The following ASPM variants were observed in gnomAD, a reference collection of about 807,000 sequenced individuals.
The protein encoded by ASPM is abnormal spindle-like microcephaly-associated protein.
ASPM carries 256 observed loss-of-function variants against 366.4 expected under a neutral mutation model. The observed-to-expected ratio is 0.70, with a 90% CI of 0.63 to 0.77. The LOEUF (loss-of-function observed/expected upper bound fraction) is 0.77. Ranked by LOEUF, ASPM falls within the 30% of genes least tolerant of loss-of-function variation. ASPM has a pLI of 0.00. For synonymous variants in ASPM, 1,414 were observed against 1,342.9 expected, an observed-to-expected ratio of 1.05 and a Z score of -1.16; for missense variants, 4,146 against 4,090.4, an observed-to-expected ratio of 1.01 and a Z score of -0.37.
At chr1:197,114,132 G>T (rs1235541134) in intron 17 of ASPM, among the ~76,000 whole-genome samples, 2 of 152,018 alleles carry the variant, frequency 1.3e-5, no homozygotes, top group Non-Finnish European at 2.9e-5. Flanking sequence ...CAATTTTTTT[G>T]GTTTCCCAAT....
intron 17 of ASPM, among the ~76,000 whole-genome samples, chr1:197,110,093 A>C (rs543151592): frequency 1.3e-5 from 2 of 152,222 alleles, no homozygotes; most frequent in South Asian, 4.1e-4. Flanking sequence ...ACTTAAATGG[A>C]AAGACAAAGC....
chr1:197,132,707 G>T (rs1308049923), intron 6 of ASPM, among the ~76,000 whole-genome samples: 2 of 150,602 alleles, frequency 1.3e-5, no homozygotes, highest in Non-Finnish European at 1.5e-5. Flanking sequence ...AAGAAAATGT[G>T]GGGTATGTGT....
chr1:197,124,672 G>C (rs1410189824), intron 12 of ASPM, among the ~76,000 whole-genome samples, 198 bp downstream of exon 12: 1 of 151,582 alleles, frequency 6.6e-6, no homozygotes, highest in East Asian at 1.9e-4. Flanking sequence ...TGCAGGTGTG[G>C]TGAAGATTAG....
At chr1:197,110,421 A>G (rs1024399183) in intron 17 of ASPM, among the ~76,000 whole-genome samples, 13 of 152,124 alleles carry the variant, frequency 8.5e-5, no homozygotes, top group African/African-American at 2.9e-4. Flanking sequence ...CTAACACAAA[A>G]TACATCATAG....
Position 197,143,457 on chromosome 1 carries a change from G to T in ASPM, c.795C>A (p.Asn265Lys), listed in dbSNP as rs759553972. 3.7e-6 allele frequency: 6 copies of T among 1,613,886 alleles called. No individual in the cohort carries two copies. Among genetic ancestry groups the T allele is most frequent in the South Asian group, 1.1e-5 (1 of 91,086 alleles). Residue 265 changes from asparagine to lysine, a missense_variant, in exon 3 of 28, where the codon AAC becomes AAA. This residue lies in a region of ASPM where 512 missense variants were observed against 471.7 expected (regional missense o/e 1.09). Transcript: ENST00000367409. ...TCTCATTAAAAGAAACTTTTGAAAC[G>T]TTGGCACTGTGTACATTTAATAGTT... ...NRELLNVHSA[N>K]VSKVSFNEKA...
chr1:197,112,756 T>C (rs1657627279), intron 17 of ASPM, among the ~76,000 whole-genome samples: 1 of 152,120 alleles, frequency 6.6e-6, no homozygotes, highest in African/African-American at 2.4e-5. Flanking sequence ...ACTAAACCAA[T>C]GTACTTCTTA....
chr1:197,089,512 A>G (rs1207471417), intron 25 of ASPM, among the ~76,000 whole-genome samples: 8 of 151,966 alleles, frequency 5.3e-5, no homozygotes, highest in Admixed American at 5.3e-4. Context: ...TCCAAATTCA[A>G]CTCTACCACT....
intron 20 of ASPM, 25 bp from the exon 21 acceptor site, chr1:197,093,286 C>T (rs1274275847): frequency 1.9e-6 from 3 of 1,571,108 alleles, no homozygotes; most frequent in African/African-American, 1.4e-5. Flanking sequence ...TTACAAGTAA[C>T]ATTAATGGGT....
Position 197,142,486 on chromosome 1 carries a change from G to C in ASPM, c.1766C>G (p.Ala589Gly). The C allele has an allele frequency of 6.2e-7, 1 of 1,613,976 alleles. No homozygotes were observed. Among genetic ancestry groups the C allele is most frequent in the East Asian group, 2.2e-5 (1 of 44,872 alleles). The change falls in exon 3 of 28, where the codon GCA (alanine) becomes GGA (glycine). Residue 589 changes from alanine (A) to glycine (G), a missense_variant. Physicochemically the swap from Ala to Gly is moderately conservative, Grantham distance 60. Coordinates refer to ENST00000367409, the MANE Select transcript of ASPM (RefSeq NM_018136.5). ...GSMEDANVRVAITEHTEVREI... is the reference protein window; with the variant it reads ...GSMEDANVRVGITEHTEVREI... ...TCGCACTTCTGTATGTTCTGTAATT[G>C]CAACTCTCACATTTGCATCTTCCAT...
intron 16 of ASPM, among the ~76,000 whole-genome samples, chr1:197,118,926 C>G (rs1021888791): frequency 6.6e-5 from 10 of 152,222 alleles, no homozygotes; most frequent in Non-Finnish European, 1.3e-4. Context: ...TAACTTATGG[C>G]AGGGATGTCT....
At position 197,102,916 on chromosome 1, in the gene ASPM, T is replaced by C. The variant is rs2125095171; in HGVS notation, c.6335A>G (p.His2112Arg). 6.2e-7 allele frequency: 1 copy of C among 1,612,716 alleles called. No individual in the cohort carries two copies. ...SVYRGIRVRR[H>R]IQHMHRAATF... ...GGCTGCCCTGTGCATGTGTTGAATA[T>C]GTCTTCTAACTCTAATACCTCTATA... The change falls in exon 18 of 28, where the codon CAT becomes CGT. Residue 2112 changes from histidine to arginine, a missense_variant. His to Arg is a conservative substitution (Grantham distance 29). This residue lies in a region of ASPM where 3,624 missense variants were observed against 3,591.7 expected (regional missense o/e 1.01). Coordinates refer to ENST00000367409, the MANE Select transcript of ASPM (RefSeq NM_018136.5).
intron 17 of ASPM, among the ~76,000 whole-genome samples, chr1:197,114,835 A>G (rs1382687169): frequency 1.3e-5 from 2 of 151,864 alleles, no homozygotes; most frequent in South Asian, 4.2e-4. Flanking sequence ...TGCAACCTCC[A>G]CCTCCCAGGT....
chr1:197,110,537 T>C (rs377608278), intron 17 of ASPM, among the ~76,000 whole-genome samples: 1 of 151,910 alleles, frequency 6.6e-6, no homozygotes, highest in East Asian at 1.9e-4. Context: ...TCCAATAAAA[T>C]GAACTACTTC....
rs369550702 is a variant in ASPM at position 197,089,261 on chromosome 1, G to A, written c.9984+669C>T. On this transcript the variant is annotated intron_variant, in intron 25 of 27. Transcript: ENST00000367409. ...AATATTGGGTAAAGCGCTTTAAGTT[G>A]TCACTGAAAGGTTGAGTAGGAAAGA... 4.6e-5 allele frequency among the ~76,000 whole-genome samples: 7 copies of A among 152,082 alleles called. No homozygotes were observed. In the East Asian group the frequency reaches 1.2e-3, roughly 25 times the overall value.
chr1:197,086,643 C>A (rs1486364325), intron 27 of ASPM, among the ~76,000 whole-genome samples, 160 bp downstream of exon 27: 3 of 151,970 alleles, frequency 2.0e-5, no homozygotes, highest in Non-Finnish European at 4.4e-5. Flanking sequence ...CTTTATTTAC[C>A]AAGACTGCTT....
intron 13 of ASPM, among the ~76,000 whole-genome samples, 170 bp downstream of exon 13, chr1:197,123,940 A>G (rs929498875): frequency 1.3e-5 from 2 of 152,160 alleles, no homozygotes; most frequent in African/African-American, 4.8e-5. Flanking sequence ...AATTGGTGAT[A>G]GATTAGATGA....
chr1:197,138,095 TAAAATGTAA>T (rs1658474891), intron 4 of ASPM, among the ~76,000 whole-genome samples: 2 of 152,182 alleles, frequency 1.3e-5, no homozygotes, highest in Non-Finnish European at 2.9e-5. Context: ...TATTTAGATA[TAAAATGTAA>T]AAGTCACTAC....
intron 17 of ASPM, among the ~76,000 whole-genome samples, chr1:197,106,531 C>G (rs1019398437): frequency 6.6e-6 from 1 of 151,932 alleles, no homozygotes; most frequent in Non-Finnish European, 1.5e-5. Context: ...TCAGTGTGTA[C>G]AGATTGTTTT....
In ASPM at chr1:197,101,209, A is replaced by G. The variant is rs759588066; in HGVS notation, c.8042T>C (p.Val2681Ala). Residue 2681 changes from valine to alanine, a missense_variant, in exon 18 of 28, where the codon GTA becomes GCA. Transcript: ENST00000367409. ...CIQSYYRGFK[V>A]RKDIQNMHRA... The stretch of plus-strand genomic sequence containing the variant: ...GTGCATATTTTGAATATCCTTTCGT[A>G]CTTTAAAGCCTCTGTAATAAGACTG... 4 of 1,612,206 alleles carry G rather than the reference A, an allele frequency of 2.5e-6. No individual in the cohort carries two copies. The highest frequency in any genetic ancestry group is 3.4e-6 in the Non-Finnish European group (4 of 1,179,080).
Sources: allele counts gnomAD v4.1 joint callset (sites outside exome capture counted in the v4.1 genomes callset), GRCh38; gene constraint gnomAD v4.1.1; regional missense constraint gnomAD v4.1.1; transcripts MANE v1.5; gene names NCBI Gene and HGNC (gene_info 2026-07-23, HGNC 2026-07-21).